Variants in CUL9 observed in about 807,000 individuals in gnomAD.
CUL9 encodes the protein cullin 9, also known as cullin-9.
In CUL9, 79 loss-of-function variants were observed where a neutral mutation model predicts 272.6. That is an observed-to-expected ratio of 0.29 (90% CI 0.24 to 0.35). CUL9 has a LOEUF of 0.35. Among genes scored for constraint, CUL9 ranks in the 10% least tolerant of loss-of-function variants. CUL9 has a pLI of 1.00. For missense variants in CUL9, 2,532 were observed against 3,255.6 expected (o/e 0.78, Z 5.41); for synonymous variants, 1,186 against 1,286.5 (o/e 0.92, Z 1.67).
chr6:43,224,440 G>A lies in CUL9; in HGVS notation c.7549G>A (p.Asp2517Asn). The A allele has an allele frequency of 6.2e-7, 1 of 1,613,024 alleles. No homozygotes were observed. Reference sequence around the variant, plus strand: ...GGAAGAGGATGAAGATGAGGCCTATGACTGAGGGGGCAGATGCAGGAAACA... The same window carrying A: ...GGAAGAGGATGAAGATGAGGCCTATAACTGAGGGGGCAGATGCAGGAAACA... ...DEEEDEDEAY[D>N] The change falls in exon 41 of 41, where the codon GAC (aspartate) becomes AAC (asparagine). Residue 2517 changes from aspartate (D) to asparagine (N), a missense_variant. Physicochemically the swap from Asp to Asn is conservative, Grantham distance 23. This residue lies in a region of CUL9 where 237 missense variants were observed against 305.9 expected (regional missense o/e 0.77). Coordinates refer to ENST00000252050, the MANE Select transcript of CUL9 (RefSeq NM_015089.4). The surrounding 1 kb of genome is among the most constrained non-coding windows in gnomAD (Gnocchi z 4.2).
chr6:43,206,587 G>A lies in CUL9; in HGVS notation c.5212+77G>A. The A allele has an allele frequency of 7.3e-7, 1 of 1,374,996 alleles. No homozygotes were observed. The highest frequency in any genetic ancestry group is 1.2e-5 in the South Asian group (1 of 84,124). The allele number at this position is 1,374,996 out of a possible 1,614,324, so 85.2% of individuals were successfully genotyped here. On this transcript the variant is annotated intron_variant, in intron 26 of 40. Transcript: ENST00000252050. The surrounding 1 kb of genome is among the most constrained non-coding windows in gnomAD (Gnocchi z 4.8). ...AAGAGAGGAAGAGGAGAGGACCTTT[G>A]GACAGGATATAGATGTGAAGAAAAA... is the stretch of plus-strand genomic sequence containing the variant.
At chr6:43,191,910 C>CTTTTT (rs901802484) in intron 8 of CUL9, among the ~76,000 whole-genome samples, 5 of 139,176 alleles carry the variant, frequency 3.6e-5, no homozygotes, top group Non-Finnish European at 6.3e-5. Context: ...ATGGTTCTTC[C>CTTTTT]TTTTTTTTTT....
Position 43,206,381 on chromosome 6 carries a change from A to T in CUL9, c.5083A>T (p.Ile1695Phe), listed in dbSNP as rs757165088. ...ATTTATCGAAGATCCAAGTCCAGCCATTTCTATACTGGTCCTGTCACCACG... is the reference window on the plus strand; with the variant it reads ...ATTTATCGAAGATCCAAGTCCAGCCTTTTCTATACTGGTCCTGTCACCACG... ...ELFIEDPSPAISILVLSPRCW... is the reference protein window; with the variant it reads ...ELFIEDPSPAFSILVLSPRCW... The change falls in exon 26 of 41, where the codon ATT (isoleucine) becomes TTT (phenylalanine). Residue 1695 changes from isoleucine to phenylalanine, a missense_variant. This residue lies in a region of CUL9 where 2,218 missense variants were observed against 2,788.6 expected (regional missense o/e 0.80). Coordinates refer to ENST00000252050, the MANE Select transcript of CUL9 (RefSeq NM_015089.4). This position sits in a 1 kb window ranked among gnomAD's most constrained non-coding sequence, Gnocchi z 4.8. The T allele has an allele frequency of 6.2e-7, 1 of 1,614,066 alleles. No homozygotes were observed. Among genetic ancestry groups the T allele is most frequent in the African/African-American group, 1.3e-5 (1 of 74,922 alleles).
At position 43,187,348 on chromosome 6, in the gene CUL9, C is replaced by T; in HGVS notation, c.1490C>T (p.Ala497Val). 1 of 1,614,106 alleles carries T rather than the reference C, an allele frequency of 6.2e-7. No homozygotes were observed. Among genetic ancestry groups the T allele is most frequent in the Non-Finnish European group, 8.5e-7 (1 of 1,180,004 alleles). ...GAGAGAGTGGGATATCTGACCCAGG[C>T]TGAATGGTGGGAGCTGCTTTTCTTT... ...KNERVGYLTQ[A>V]EWWELLFFIK... Residue 497 changes from alanine to valine, a missense_variant, in exon 6 of 41, where the codon GCT (alanine) becomes GTT (valine). Around this residue, in one of 3 missense-constraint regions of CUL9, gnomAD observed 2,218 missense variants for 2,788.6 expected, o/e 0.80. Coordinates refer to ENST00000252050, the MANE Select transcript of CUL9 (RefSeq NM_015089.4).
Position 43,199,447 on chromosome 6 carries a change from GC to G in CUL9, c.3156+77del. 1 of 1,107,848 alleles carries G rather than the reference GC, an allele frequency of 9.0e-7. No homozygotes were observed. The highest frequency in any genetic ancestry group is 2.2e-4 in the Middle Eastern group (1 of 4,478). The allele number at this position is 1,107,848 out of a possible 1,614,324, so 68.6% of individuals were successfully genotyped here. On this transcript the variant is annotated intron_variant, in intron 13 of 40. Transcript: ENST00000252050. This position sits in a 1 kb window ranked among gnomAD's most constrained non-coding sequence, Gnocchi z 4.4. ...CCAACTCCTTGTGAGGCTCTGGAGG[GC>G]ACAGCAGAGCCTTTCTGAATGGATC...
chr6:43,196,983 G>C, intron 11 of CUL9, 121 bp downstream of exon 11: 1 of 804,940 alleles, frequency 1.2e-6, no homozygotes, highest in Non-Finnish European at 2.0e-6. Context: ...TTGTGCTCAA[G>C]TTAGGTCTTA....
chr6:43,221,483 T>G lies in CUL9; in HGVS notation c.6752+162T>G. ...CACGGTGACTTCCTGGATCTTAATG[T>G]TCCTTCTCCCACTCGTAAGTCCACA... On this transcript the variant is annotated intron_variant, in intron 34 of 40. Coordinates refer to ENST00000252050, the MANE Select transcript of CUL9 (RefSeq NM_015089.4). This position sits in a 1 kb window ranked among gnomAD's most constrained non-coding sequence, Gnocchi z 4.2. 1 of 937,322 alleles carries G rather than the reference T, an allele frequency of 1.1e-6. No homozygotes were observed. Among genetic ancestry groups the G allele is most frequent in the Non-Finnish European group, 1.6e-6 (1 of 637,726 alleles). 58.1% of individuals were successfully genotyped at this position (937,322 alleles called of 1,614,324 possible). A position where few individuals can be genotyped will look rare whatever the true frequency, so the allele number is the denominator to read the frequency against.
At chr6:43,217,136 G>T (rs895634620) in intron 31 of CUL9, among the ~76,000 whole-genome samples, 3 of 152,118 alleles carry the variant, frequency 2.0e-5, no homozygotes, top group African/African-American at 7.2e-5. Flanking sequence ...TAGGCAGATT[G>T]CTTGAGCCCA....
At position 43,213,159 on chromosome 6, in the gene CUL9, T is replaced by C. The variant is rs768952894; in HGVS notation, c.5223T>C (p.His1741=). 2 of 1,614,088 alleles carry C rather than the reference T, an allele frequency of 1.2e-6. No individual in the cohort carries two copies. The highest frequency in any genetic ancestry group is 1.1e-5 in the South Asian group (1 of 91,078). ...FSSFYSQSQN[H]PVLDMGPHRR... is the part of the protein sequence containing the mutation. ...TTGACACTTGCCTAGGTCAGAACCA[T>C]CCAGTCCTGGACATGGGACCACATC... The change falls in exon 27 of 41, where the codon CAT becomes CAC. Residue 1741 remains histidine (H), a synonymous_variant. Transcript: ENST00000252050. The surrounding 1 kb of genome is among the most constrained non-coding windows in gnomAD (Gnocchi z 5.7).
intron 3 of CUL9, 38 bp downstream of exon 3, chr6:43,185,648 G>A (rs1240043188): frequency 6.3e-7 from 1 of 1,584,546 alleles, no homozygotes; most frequent in South Asian, 1.1e-5. Flanking sequence ...GTGTACAAGG[G>A]CTAAGACATT....
rs946738792 is a variant in CUL9, at chr6:43,183,431, C to T, written c.-9-871C>T. On this transcript the variant is annotated intron_variant, in intron 1 of 40. Coordinates refer to ENST00000252050, the MANE Select transcript of CUL9 (RefSeq NM_015089.4). ...CTCCATTCTCTATATCTGCCATGGC[C>T]CACCCTTTACATCCACCTTGCAGCT... 3.3e-5 allele frequency among the ~76,000 whole-genome samples: 5 copies of T among 152,130 alleles called. No individual in the cohort carries two copies. In the South Asian group the frequency reaches 6.2e-4, roughly 19 times the overall value.
intron 20 of CUL9, 163 bp from the exon 21 acceptor site, chr6:43,204,197 C>A: frequency 1.9e-6 from 2 of 1,064,242 alleles, no homozygotes; most frequent in Non-Finnish European, 2.7e-6. Flanking sequence ...ACCCTGTTAA[C>A]ATTTCCCCTG....
intron 30 of CUL9, 144 bp from the exon 31 acceptor site, chr6:43,216,014 G>A (rs1746706296): frequency 1.2e-5 from 8 of 687,456 alleles, no homozygotes; most frequent in South Asian, 3.8e-5. Context: ...CTGCTCTGAC[G>A]GTTGGTTTGG....
In CUL9 at chr6:43,202,804, G is replaced by A. The variant is rs75985085; in HGVS notation, c.3736G>A (p.Gly1246Ser). The change falls in exon 17 of 41, where the codon GGC becomes AGC. Residue 1246 changes from glycine to serine, a missense_variant. Around this residue, in one of 3 missense-constraint regions of CUL9, gnomAD observed 2,218 missense variants for 2,788.6 expected, o/e 0.80. Coordinates refer to ENST00000252050, the MANE Select transcript of CUL9 (RefSeq NM_015089.4). Reference sequence around the variant, plus strand: ...TGGGGGTGACAGCACCAGCTGCATCGGCACTGAGCTCAACACGGTGGGGAC... The same window carrying A: ...TGGGGGTGACAGCACCAGCTGCATCAGCACTGAGCTCAACACGGTGGGGAC... The part of the protein sequence containing the change: ...VFGGDSTSCI[G>S]TELNTVNVMP... The A allele has an allele frequency of 1.8e-4, 291 of 1,613,986 alleles. No homozygotes were observed. The highest frequency in any genetic ancestry group is 3.3e-4 in the Middle Eastern group (2 of 6,060).
chr6:43,187,530 G>A, intron 6 of CUL9, 91 bp downstream of exon 6: 20 of 1,417,624 alleles, frequency 1.4e-5, no homozygotes, highest in Non-Finnish European at 1.7e-5. Flanking sequence ...TACCGCTTAG[G>A]GGGAGGCTGG....
chr6:43,198,811 G>C lies in CUL9; in HGVS notation c.3006G>C (p.Leu1002=). 3 of 1,613,802 alleles carry C rather than the reference G, an allele frequency of 1.9e-6. No homozygotes were observed. The South Asian group carries it at 3.3e-5, about 18-fold the overall frequency. ...TQPFLLLLRT[L]DAPGPNKTLL... is the part of the protein sequence containing the mutation. ...CTTTCCTCCTGTTGCTGCGGACTCT[G>C]GATGCTCCGGGGCCCAACAAGACTC... Residue 1002 remains leucine, a synonymous_variant, in exon 12 of 41, where the codon CTG becomes CTC. Transcript: ENST00000252050.
At chr6:43,198,197 T>C in intron 11 of CUL9, 1 of 923,284 alleles carries the variant, frequency 1.1e-6, no homozygotes, top group Non-Finnish European at 1.3e-6. Flanking sequence ...GCCAAGATCA[T>C]GCCACTGCAC....
chr6:43,223,305 C>T lies in CUL9; in HGVS notation c.7192C>T (p.Arg2398Cys), dbSNP rs779590400. 2.9e-5 allele frequency: 46 copies of T among 1,600,192 alleles called. No individual in the cohort carries two copies. Among genetic ancestry groups the T allele is most frequent in the East Asian group, 4.5e-5 (2 of 44,412 alleles). The change falls in exon 39 of 41, where the codon CGC becomes TGC. Residue 2398 changes from arginine to cysteine, a missense_variant. This residue lies in a region of CUL9 where 237 missense variants were observed against 305.9 expected (regional missense o/e 0.77). Coordinates refer to ENST00000252050, the MANE Select transcript of CUL9 (RefSeq NM_015089.4). This position sits in a 1 kb window ranked among gnomAD's most constrained non-coding sequence, Gnocchi z 4.1. ...GTGCAGAGACCTGGCCTCCTCCCTG[C>T]GCCTCCTGCGGGCCGACTGCCTCAG... Reference protein sequence around the residue: ...LRCRDLASSLRLLRADCLSTG... With the variant: ...LRCRDLASSLCLLRADCLSTG...
chr6:43,216,617 A>G (rs972686188), intron 31 of CUL9, 114 bp downstream of exon 31: 1 of 957,692 alleles, frequency 1.0e-6, no homozygotes, highest in Non-Finnish European at 1.6e-6. Flanking sequence ...CCTGGGCAAT[A>G]GTGGATTTAG....
Sources: allele counts gnomAD v4.1 joint callset (sites outside exome capture counted in the v4.1 genomes callset), GRCh38; gene constraint gnomAD v4.1.1; regional missense constraint gnomAD v4.1.1; non-coding constraint Gnocchi (gnomAD v3.1); transcripts MANE v1.5; gene names NCBI Gene and HGNC (gene_info 2026-07-23, HGNC 2026-07-21).